The following TMEM217 variants were observed in gnomAD, a reference collection of about 807,000 sequenced individuals.
The protein encoded by TMEM217 is transmembrane protein 217.
For missense variants in TMEM217, 204 were observed against 248.8 expected (o/e 0.82, Z 1.21); for synonymous variants, 76 against 88.3 (o/e 0.86, Z 0.78).
At chr6:37,235,510 C>T (rs925933650) in intron 1 of TMEM217, among the ~76,000 whole-genome samples, 13 of 152,252 alleles carry the variant, frequency 8.5e-5, no homozygotes, top group African/African-American at 3.1e-4. Flanking sequence ...GGACTACAGG[C>T]ACCCGCCACC....
At chr6:37,215,328 G>C (rs1282980317), downstream of TMEM217, 2 of 1,598,566 alleles carry the variant, frequency 1.3e-6, no homozygotes, top group Non-Finnish European at 1.7e-6. Flanking sequence ...TTTTAATTAA[G>C]AGAAAAGAAA....
rs149031005 is a variant in TMEM217 at position 37,255,855 on chromosome 6, T to G, written c.-12+1713A>C. On this transcript the variant is annotated intron_variant, in intron 1 of 1. Transcript: ENST00000357219. ...AAGGTTCCAACAATCTCAATTTCCC[T>G]ATTTAAAAAGTCATCACAAGGTAAC... Among the ~76,000 whole-genome samples, 351 of 152,288 alleles carry G rather than the reference T, an allele frequency of 2.3e-3. 1 individual carries two copies. The highest frequency in any genetic ancestry group is 7.8e-3 in the African/African-American group (324 of 41,554).
At chr6:37,255,004 C>G (rs1380866691) in intron 1 of TMEM217, among the ~76,000 whole-genome samples, 5 of 152,196 alleles carry the variant, frequency 3.3e-5, no homozygotes, top group Non-Finnish European at 7.3e-5. Context: ...GAATCTGCTG[C>G]TGCTGCTGAT....
At chr6:37,238,488 A>C (rs1764603867) in intron 1 of TMEM217, among the ~76,000 whole-genome samples, 1 of 152,154 alleles carries the variant, frequency 6.6e-6, no homozygotes, top group African/African-American at 2.4e-5. Context: ...ACCCAGGCAA[A>C]ATATGTGCTT....
downstream of TMEM217, chr6:37,213,097 G>C: frequency 1.2e-6 from 1 of 805,186 alleles, no homozygotes; most frequent in East Asian, 2.7e-5. Context: ...TAAGAGCAAT[G>C]ATGGTGTGTG....
At chr6:37,218,292 T>C (rs2113810203) in exon 2 of TMEM217, 1 of 1,195,494 alleles carries the variant, frequency 8.4e-7, no homozygotes, top group Non-Finnish European at 1.1e-6. Context: ...TCTCAGCCTC[T>C]CAAGTGGCTG....
At chr6:37,215,367 G>A, downstream of TMEM217, 3 of 1,475,324 alleles carry the variant, frequency 2.0e-6, no homozygotes, top group African/African-American at 2.8e-5. Context: ...ACGAGGTCAG[G>A]AGTTCAAGAC....
intron 1 of TMEM217, among the ~76,000 whole-genome samples, chr6:37,230,636 CA>C (rs1488402357): frequency 2.0e-5 from 3 of 151,924 alleles, no homozygotes; most frequent in Non-Finnish European, 2.9e-5. Flanking sequence ...AAAAAAGCCT[CA>C]AAAAAACCCC....
rs769489560 is a variant in TMEM217, at chr6:37,257,891, C to A, written c.-335G>T. 6.8e-6 allele frequency: 11 copies of A among 1,611,924 alleles called. No individual in the cohort carries two copies. The East Asian group carries it at 2.5e-4, about 36-fold the overall frequency. ...CTCGCCGGGCAAACCCTTGGCCCGC[C>A]TACAAGGACTTCCCCCGGCCAGAGC... On this transcript the variant is annotated 5_prime_UTR_variant, in exon 1 of 2. It adds an upstream start codon to the 5' untranslated region. Coordinates refer to ENST00000357219, the Ensembl canonical transcript of TMEM217.
At chr6:37,212,559 C>A in exon 4 of TMEM217, 1 of 462,602 alleles carries the variant, frequency 2.2e-6, no homozygotes, top group South Asian at 1.5e-5. Context: ...CGATGAAGGG[C>A]AGACAGAAAA....
chr6:37,243,374 G>A (rs1764886624), intron 1 of TMEM217, among the ~76,000 whole-genome samples: 2 of 152,166 alleles, frequency 1.3e-5, no homozygotes, highest in Admixed American at 6.5e-5. Flanking sequence ...AAAAATGGAG[G>A]AAACCACCAG....
At chr6:37,229,433 C>G (rs1447992622) in intron 1 of TMEM217, among the ~76,000 whole-genome samples, 2 of 150,488 alleles carry the variant, frequency 1.3e-5, no homozygotes, top group African/African-American at 4.9e-5. Context: ...AGCTCCGCCT[C>G]CCGGGTTCAC....
At chr6:37,227,105 C>T (rs1763882949) in intron 1 of TMEM217, among the ~76,000 whole-genome samples, 1 of 152,214 alleles carries the variant, frequency 6.6e-6, no homozygotes, top group Non-Finnish European at 1.5e-5. Context: ...CCAAAACTGA[C>T]TCACTTGTCT....
At chr6:37,257,869 G>T (rs755348115) in exon 1 of TMEM217, 1 of 1,596,672 alleles carries the variant, frequency 6.3e-7, no homozygotes, top group Non-Finnish European at 8.5e-7. Flanking sequence ...GGGGCATCTC[G>T]CCGGGCAAAC....
intron 1 of TMEM217, among the ~76,000 whole-genome samples, chr6:37,227,935 A>T (rs1044555138): frequency 6.6e-6 from 1 of 152,178 alleles, no homozygotes; most frequent in Non-Finnish European, 1.5e-5. Context: ...CTGAGATTTA[A>T]AAAGTCACAA....
intron 1 of TMEM217, among the ~76,000 whole-genome samples, chr6:37,241,401 C>G (rs1465459045): frequency 6.6e-6 from 1 of 152,180 alleles, no homozygotes; most frequent in African/African-American, 2.4e-5. Context: ...AGCAGGACCT[C>G]AAAAGCGACA....
chr6:37,216,915 C>T (rs534426934), downstream of TMEM217, among the ~76,000 whole-genome samples: 55 of 152,254 alleles, frequency 3.6e-4, no homozygotes, highest in Admixed American at 1.0e-3. Flanking sequence ...AGGCCCTTAC[C>T]AGACACCAAA....
chr6:37,218,207 T>G, exon 2 of TMEM217: 1 of 1,301,636 alleles, frequency 7.7e-7, no homozygotes. Flanking sequence ...TCTTACTCTG[T>G]CACTCAGGCT....
At chr6:37,256,821 C>T (rs1765771022) in intron 1 of TMEM217, among the ~76,000 whole-genome samples, 1 of 152,072 alleles carries the variant, frequency 6.6e-6, no homozygotes, top group South Asian at 2.1e-4. Context: ...GACTGGTGCC[C>T]GCCTTCCCTC....
Sources: allele counts gnomAD v4.1 joint callset (sites outside exome capture counted in the v4.1 genomes callset), GRCh38; gene constraint gnomAD v4.1.1; transcripts MANE v1.5; gene names NCBI Gene and HGNC (gene_info 2026-07-23, HGNC 2026-07-21).